The following JAM3 variants were observed in gnomAD, a reference collection of about 807,000 sequenced individuals.
The protein encoded by JAM3 is junctional adhesion molecule 3.
JAM3 carries 31 observed loss-of-function variants against 39.4 expected under a neutral mutation model. The ratio of observed to expected loss-of-function variants is 0.79; its 90% CI spans 0.59 to 1.06. The LOEUF (loss-of-function observed/expected upper bound fraction) is 1.06. JAM3 is among the 50% of genes least tolerant of loss of function. JAM3 has a pLI of 0.00. For synonymous variants in JAM3, 182 were observed against 148.7 expected (o/e 1.22, Z -1.63); for missense variants, 455 against 391.4 (o/e 1.16, Z -1.37).
intron 1 of JAM3, among the ~76,000 whole-genome samples, chr11:134,127,579 A>T (rs1407277230): frequency 6.6e-6 from 1 of 152,198 alleles, no homozygotes; most frequent in Non-Finnish European, 1.5e-5. Context: ...ACATGTCTGT[A>T]GTCCCAGCTA....
At position 134,144,969 on chromosome 11, in the gene JAM3, A is replaced by G. The variant is rs771596510; in HGVS notation, c.587A>G (p.His196Arg). 6 of 1,613,950 alleles carry G rather than the reference A, an allele frequency of 3.7e-6. No individual in the cohort carries two copies. In the Admixed American group the frequency reaches 1.0e-4, roughly 27 times the overall value. ...CCCAGATTTCGCAATTCTTCTTTCC[A>G]CTTAAACTCTGAAACAGGCACTTTG... Reference protein sequence around the residue: ...ANPRFRNSSFHLNSETGTLVF... With the variant: ...ANPRFRNSSFRLNSETGTLVF... Residue 196 changes from histidine (H) to arginine (R), a missense_variant, in exon 5 of 9, where the codon CAC becomes CGC. By Grantham distance (29) the His-to-Arg change is conservative. Coordinates refer to ENST00000299106, the MANE Select transcript of JAM3 (RefSeq NM_032801.5).
chr11:134,113,159 G>A (rs1942349533), intron 1 of JAM3, among the ~76,000 whole-genome samples: 1 of 150,556 alleles, frequency 6.6e-6, no homozygotes, highest in Admixed American at 6.6e-5. Context: ...CTTTTACAGA[G>A]TAGTAATTGA....
intron 1 of JAM3, among the ~76,000 whole-genome samples, chr11:134,106,321 C>A (rs1252211099): frequency 1.4e-4 from 21 of 152,122 alleles, no homozygotes; most frequent in African/African-American, 4.1e-4. Context: ...TGGATCCCTT[C>A]CTTACACCTT....
chr11:134,145,807 C>G, intron 5 of JAM3, 139 bp from the exon 6 acceptor site: 1 of 718,798 alleles, frequency 1.4e-6, no homozygotes, highest in Middle Eastern at 3.6e-4. Context: ...GGGAGTGGGT[C>G]AGGGAGGAAC....
At chr11:134,102,335 A>G (rs543633711) in intron 1 of JAM3, among the ~76,000 whole-genome samples, 29 of 152,308 alleles carry the variant, frequency 1.9e-4, no homozygotes, top group African/African-American at 6.7e-4. Flanking sequence ...AACAAACAGA[A>G]AGGACATCCA....
intron 1 of JAM3, among the ~76,000 whole-genome samples, chr11:134,112,201 C>T (rs535116820): frequency 1.1e-4 from 17 of 152,286 alleles, no homozygotes; most frequent in African/African-American, 4.1e-4. Context: ...ATTCTCCTGC[C>T]TCAGCCTCCC....
chr11:134,076,842 T>A (rs1026016784), intron 1 of JAM3, among the ~76,000 whole-genome samples: 1,501 of 149,156 alleles, frequency 0.01, 30 homozygotes, highest in African/African-American at 0.033. Context: ...GCTTTTTTTT[T>A]TTTTTTTTTT....
At chr11:134,122,808 A>T (rs552270558) in intron 1 of JAM3, among the ~76,000 whole-genome samples, 7 of 152,342 alleles carry the variant, frequency 4.6e-5, no homozygotes, top group African/African-American at 1.7e-4. Flanking sequence ...CCTAAAATAA[A>T]AATTTTAAGC....
At chr11:134,110,614 G>T (rs1942289779) in intron 1 of JAM3, among the ~76,000 whole-genome samples, 1 of 152,182 alleles carries the variant, frequency 6.6e-6, no homozygotes, top group South Asian at 2.1e-4. Context: ...AAATCGCTAA[G>T]TGGTTGCCTG....
chr11:134,137,611 C>T (rs1261591780), intron 1 of JAM3, among the ~76,000 whole-genome samples: 1 of 152,130 alleles, frequency 6.6e-6, no homozygotes, highest in Non-Finnish European at 1.5e-5. Flanking sequence ...TCATGGTGCT[C>T]ATACTGAGAG....
chr11:134,134,404 A>AAAAAC (rs1216396384), intron 1 of JAM3, among the ~76,000 whole-genome samples: 2 of 150,350 alleles, frequency 1.3e-5, no homozygotes, highest in African/African-American at 4.9e-5. Flanking sequence ...ATGCCAAAAA[A>AAAAAC]AAAAAAAAAA....
intron 1 of JAM3, among the ~76,000 whole-genome samples, chr11:134,073,601 C>T (rs911492908): frequency 3.9e-5 from 6 of 152,236 alleles, no homozygotes; most frequent in South Asian, 4.1e-4. Flanking sequence ...GTATCTATGA[C>T]GTGTCAGGCA....
chr11:134,145,961 C>T lies in JAM3; in HGVS notation c.628C>T (p.His210Tyr), dbSNP rs1268886040. The T allele has an allele frequency of 6.2e-7, 1 of 1,613,364 alleles. No homozygotes were observed. The highest frequency in any genetic ancestry group is 8.5e-7 in the Non-Finnish European group (1 of 1,179,320). ...ETGTLVFTAV[H>Y]KDDSGQYYCI... is the part of the protein sequence containing the mutation. ...CCTGAAACAGGTGTTCACTGCTGTT[C>T]ACAAGGACGACTCTGGGCAGTACTA... The change falls in exon 6 of 9, where the codon CAC (histidine) becomes TAC (tyrosine). Residue 210 changes from histidine to tyrosine, a missense_variant. His to Tyr is a moderately conservative substitution (Grantham distance 83). Transcript: ENST00000299106.
rs1386957436 is a variant in JAM3, at chr11:134,144,913, T to C, written c.531T>C (p.Asp177=). The change falls in exon 5 of 9, where the codon GAT becomes GAC. Residue 177 remains aspartate, a synonymous_variant. Coordinates refer to ENST00000299106, the MANE Select transcript of JAM3 (RefSeq NM_032801.5). ...CTCACTACAGCTGGTATCGCAATGA[T>C]GTACCACTGCCCACGGATTCCAGAG... is the stretch of plus-strand genomic sequence containing the variant. The part of the protein sequence containing the change: ...PRPHYSWYRN[D]VPLPTDSRAN... 1 of 1,614,232 alleles carries C rather than the reference T, an allele frequency of 6.2e-7. No homozygotes were observed. The highest frequency in any genetic ancestry group is 1.7e-5 in the Admixed American group (1 of 60,026).
At chr11:134,074,454 T>G (rs756630663) in intron 1 of JAM3, among the ~76,000 whole-genome samples, 16 of 152,204 alleles carry the variant, frequency 1.1e-4, no homozygotes, top group Non-Finnish European at 2.1e-4. Context: ...TTTTCTAGCT[T>G]CTTAATATCA....
At chr11:134,145,300 G>T (rs1943052307) in intron 5 of JAM3, 1 of 475,586 alleles carries the variant, frequency 2.1e-6, no homozygotes, top group Admixed American at 3.4e-5. Flanking sequence ...CGGGGAAATT[G>T]GATTACTAGG....
At position 134,149,180 on chromosome 11, in the gene JAM3, G is replaced by A. The variant is rs532816968; in HGVS notation, c.932G>A (p.Ter311=). The A allele has an allele frequency of 1.1e-5, 18 of 1,614,018 alleles. No homozygotes were observed. Among genetic ancestry groups the A allele is most frequent in the South Asian group, 1.1e-4 (10 of 91,076 alleles). ...DFRHKSSFVI[*] The stretch of plus-strand genomic sequence containing the variant: ...AGACACAAGTCATCGTTTGTGATCT[G>A]AGACCCGCGGTGTGGCTGAGAGCGC... The change falls in exon 9 of 9, where the codon TGA becomes TAA. Residue 311 remains the stop codon, a stop_retained_variant. Coordinates refer to ENST00000299106, the MANE Select transcript of JAM3 (RefSeq NM_032801.5).
At chr11:134,138,756 A>T (rs1942919753) in intron 1 of JAM3, among the ~76,000 whole-genome samples, 1 of 152,242 alleles carries the variant, frequency 6.6e-6, no homozygotes, top group African/African-American at 2.4e-5. Context: ...ATAGCAATTC[A>T]GGTATATTAC....
intron 1 of JAM3, among the ~76,000 whole-genome samples, chr11:134,114,015 C>T (rs1489704330): frequency 6.6e-6 from 1 of 151,978 alleles, no homozygotes; most frequent in Non-Finnish European, 1.5e-5. Context: ...CTGTTCATAT[C>T]CTTTGCCCAC....
Sources: allele counts gnomAD v4.1 joint callset (sites outside exome capture counted in the v4.1 genomes callset), GRCh38; gene constraint gnomAD v4.1.1; transcripts MANE v1.5; gene names NCBI Gene and HGNC (gene_info 2026-07-23, HGNC 2026-07-21).